Variants in CAMK1D observed in about 807,000 individuals in gnomAD.
The protein encoded by CAMK1D is calcium/calmodulin-dependent protein kinase type 1D.
A neutral mutation model predicts 47.7 loss-of-function variants in CAMK1D; 9 were observed. The observed-to-expected ratio is 0.19, with a 90% CI of 0.11 to 0.33. CAMK1D has a LOEUF of 0.33. Among genes scored for constraint, CAMK1D ranks in the 10% least tolerant of loss-of-function variants. The pLI is 1.00. For missense variants in CAMK1D, 291 were observed against 488.7 expected, an observed-to-expected ratio of 0.60 and a Z score of 3.81; for synonymous variants, 184 against 184.9, an observed-to-expected ratio of 0.99 and a Z score of 0.04.
At chr10:12,696,951 C>G (rs1330043270) in intron 3 of CAMK1D, among the ~76,000 whole-genome samples, 1 of 152,112 alleles carries the variant, frequency 6.6e-6, no homozygotes, top group Non-Finnish European at 1.5e-5. Context: ...CAAAGTAGAT[C>G]AGAGGGTTCC....
intron 6 of CAMK1D, among the ~76,000 whole-genome samples, chr10:12,808,904 G>A (rs2131062571): frequency 6.6e-6 from 1 of 152,028 alleles, no homozygotes; most frequent in South Asian, 2.1e-4. Context: ...ATCACTTGAG[G>A]CCAGGAGTTT....
intron 1 of CAMK1D, among the ~76,000 whole-genome samples, chr10:12,406,987 G>A (rs1298864774): frequency 6.6e-6 from 1 of 152,124 alleles, no homozygotes; most frequent in Non-Finnish European, 1.5e-5. Context: ...TCTAGGGAAG[G>A]CTCCCTCTGC....
At chr10:12,595,737 A>T (rs1450892057) in intron 2 of CAMK1D, among the ~76,000 whole-genome samples, 2 of 152,180 alleles carry the variant, frequency 1.3e-5, no homozygotes, top group African/African-American at 4.8e-5. Context: ...AGGAAGCGTG[A>T]CATTAGATAG....
At chr10:12,437,513 G>T (rs986667418) in intron 1 of CAMK1D, among the ~76,000 whole-genome samples, 3 of 152,128 alleles carry the variant, frequency 2.0e-5, no homozygotes, top group South Asian at 2.1e-4. Flanking sequence ...AGTTTTTAAA[G>T]CATTTTTAGG....
intron 6 of CAMK1D, among the ~76,000 whole-genome samples, chr10:12,804,013 G>A (rs962531918): frequency 3.9e-5 from 6 of 152,160 alleles, no homozygotes; most frequent in African/African-American, 1.4e-4. Flanking sequence ...CCTGGAGGCC[G>A]TTGTTGGGGC....
chr10:12,561,649 C>T (rs995407643), intron 2 of CAMK1D, among the ~76,000 whole-genome samples: 2 of 152,174 alleles, frequency 1.3e-5, no homozygotes, highest in African/African-American at 4.8e-5. Context: ...TTTATTTCAT[C>T]CTAACTGTGC....
At position 12,601,185 on chromosome 10, in the gene CAMK1D, G is replaced by GTTTTTTTTTTTTTT. The variant is rs1564438027; in HGVS notation, c.224+47832_224+47833insTTTTTTTTTTTTTT. 2.3e-4 allele frequency among the ~76,000 whole-genome samples: 4 copies of GTTTTTTTTTTTTTT among 17,348 alleles called. 1 individual carries two copies. The highest frequency in any genetic ancestry group is 4.2e-4 in the Non-Finnish European group (1 of 2,362). The allele number at this position is 17,348 out of a possible 152,430, so 11.4% of individuals were successfully genotyped here. On this transcript the variant is annotated intron_variant, in intron 2 of 10. Transcript: ENST00000619168. ...GATAAAATGATAGTTTTTTTTTTTT[G>GTTTTTTTTTTTTTT]TTTGTTTGTTTTTTTTTTTTTTTTG... is the stretch of plus-strand genomic sequence containing the variant.
chr10:12,429,102 A>G (rs1840350680), intron 1 of CAMK1D, among the ~76,000 whole-genome samples: 2 of 152,050 alleles, frequency 1.3e-5, no homozygotes, highest in South Asian at 4.1e-4. Context: ...ACCCACTGCC[A>G]TCTCCCACAT....
chr10:12,827,336 T>TTCCC lies in CAMK1D; in HGVS notation c.1040-1430_1040-1429insCTCC, dbSNP rs753822443. Among the ~76,000 whole-genome samples the TTCCC allele has an allele frequency of 4.8e-3, 596 of 123,656 alleles. 22 individuals carry two copies. The East Asian group carries it at 0.089, about 19-fold the overall frequency. The allele number at this position is 123,656 out of a possible 152,430, so 81.1% of individuals were successfully genotyped here. ...CTTTTCTTTCTTTCTCTCTCTTCTCTTCCTTCCTTCCTTCTTCCTTTCTTT... is the reference window on the plus strand; with the variant it reads ...CTTTTCTTTCTTTCTCTCTCTTCTCTTCCCTCCTTCCTTCCTTCTTCCTTTCTTT... On this transcript the variant is annotated intron_variant, in intron 10 of 10. Transcript: ENST00000619168.
intron 3 of CAMK1D, among the ~76,000 whole-genome samples, chr10:12,751,043 T>C (rs79076260): frequency 0.22 from 32,505 of 146,970 alleles, 3,736 homozygotes; most frequent in East Asian, 0.31. Context: ...ACGGAGCCCG[T>C]CTCCCCCAAT....
At chr10:12,401,041 GTATTATATA>G (rs1564315526) in intron 1 of CAMK1D, among the ~76,000 whole-genome samples, 1 of 98,876 alleles carries the variant, frequency 1.0e-5, no homozygotes, top group East Asian at 2.6e-4. Flanking sequence ...ATAAATATAT[GTATTATATA>G]TATTATATAT....
chr10:12,424,622 C>T (rs1450317878), intron 1 of CAMK1D, among the ~76,000 whole-genome samples: 2 of 152,124 alleles, frequency 1.3e-5, no homozygotes, highest in African/African-American at 4.8e-5. Context: ...TCTCAAAGTA[C>T]AAGTCTGACC....
At chr10:12,767,238 C>T (rs1261202716) in intron 4 of CAMK1D, among the ~76,000 whole-genome samples, 3 of 152,098 alleles carry the variant, frequency 2.0e-5, no homozygotes, top group South Asian at 2.1e-4. Context: ...AGTGCAGTGG[C>T]GCACTATCGG....
At chr10:12,696,948 G>T (rs1436717960) in intron 3 of CAMK1D, among the ~76,000 whole-genome samples, 1 of 152,128 alleles carries the variant, frequency 6.6e-6, no homozygotes, top group Non-Finnish European at 1.5e-5. Flanking sequence ...TTTCAAAGTA[G>T]ATCAGAGGGT....
chr10:12,521,728 T>G (rs1391933589), intron 1 of CAMK1D, among the ~76,000 whole-genome samples: 1 of 152,242 alleles, frequency 6.6e-6, no homozygotes, highest in Non-Finnish European at 1.5e-5. Context: ...TGTCCTATTT[T>G]TCTTTCAGTT....
chr10:12,431,283 C>G (rs949285635), intron 1 of CAMK1D, among the ~76,000 whole-genome samples: 1 of 152,168 alleles, frequency 6.6e-6, no homozygotes, highest in African/African-American at 2.4e-5. Context: ...CCTTGGAAGC[C>G]TGGGGCTGTT....
At chr10:12,539,440 A>G (rs1422119698) in intron 1 of CAMK1D, among the ~76,000 whole-genome samples, 1 of 152,154 alleles carries the variant, frequency 6.6e-6, no homozygotes, top group Non-Finnish European at 1.5e-5. Flanking sequence ...CAGATGAGGG[A>G]TGGCCAGTTG....
Position 12,814,303 on chromosome 10 carries a change from C to T in CAMK1D, c.750C>T (p.Asp250=). Residue 250 remains aspartate, a synonymous_variant, in exon 7 of 11, where the codon GAC becomes GAT. Transcript: ENST00000619168. ...CTCCCTACTGGGATGACATCTCCGA[C>T]TCTGGTAGGTCTCCCATAGGCAGCT... ...FDSPYWDDIS[D]SAKDFIRNLM... 1 of 1,603,492 alleles carries T rather than the reference C, an allele frequency of 6.2e-7. No individual in the cohort carries two copies. Among genetic ancestry groups the T allele is most frequent in the South Asian group, 1.1e-5 (1 of 90,850 alleles).
At chr10:12,787,872 C>A (rs778201246) in intron 5 of CAMK1D, among the ~76,000 whole-genome samples, 1 of 152,114 alleles carries the variant, frequency 6.6e-6, no homozygotes, top group Non-Finnish European at 1.5e-5. Flanking sequence ...TGGTGGTGCA[C>A]GCCTGTAATC....
Sources: gnomAD v4.1 joint callset for allele counts (sites outside exome capture counted in the v4.1 genomes callset) on GRCh38, gnomAD v4.1.1 for gene constraint, MANE v1.5 for transcripts, NCBI Gene and HGNC (gene_info 2026-07-23, HGNC 2026-07-21) for gene names.